Variants in PRDM11 observed in about 807,000 individuals in gnomAD.
The protein encoded by PRDM11 is PR/SET domain 11.
A neutral mutation model predicts 97.8 loss-of-function variants in PRDM11; 20 were observed. That is an observed-to-expected ratio of 0.20 (90% CI 0.14 to 0.30). The LOEUF (loss-of-function observed/expected upper bound fraction) is 0.30. Ranked by LOEUF, PRDM11 falls within the 10% of genes least tolerant of loss-of-function variation. The probability of loss-of-function intolerance (pLI) is 1.00; values close to 1 mark genes in which losing one functional copy is unlikely to be tolerated. For synonymous variants in PRDM11, 599 were observed against 637.7 expected, an observed-to-expected ratio of 0.94 and a Z score of 0.91; for missense variants, 1,139 against 1,555.2, an observed-to-expected ratio of 0.73 and a Z score of 4.50.
chr11:45,129,002 G>A (rs1477557119), intron 1 of PRDM11, among the ~76,000 whole-genome samples: 1 of 152,104 alleles, frequency 6.6e-6, no homozygotes, highest in Non-Finnish European at 1.5e-5. Context: ...TAAGAATGCA[G>A]TTACTTTAAC....
At chr11:45,178,225 C>T (rs1025885559) in intron 1 of PRDM11, among the ~76,000 whole-genome samples, 5 of 152,084 alleles carry the variant, frequency 3.3e-5, no homozygotes, top group Admixed American at 6.6e-5. Flanking sequence ...AAACCCCTTC[C>T]GCATCCCTCT....
In PRDM11 at chr11:45,231,515, G is replaced by A. The variant is rs1854398919; in HGVS notation, c.*3356G>A. ...TGACTACAGGCTTAGAATGAAGTGTGTCTCTGGGGCTGAGACTTGGCATAA... is the reference window on the plus strand; with the variant it reads ...TGACTACAGGCTTAGAATGAAGTGTATCTCTGGGGCTGAGACTTGGCATAA... On this transcript the variant is annotated 3_prime_UTR_variant, in exon 8 of 8. Transcript: ENST00000683152. The A allele has an allele frequency of 2.0e-5, 3 of 151,994 alleles. No individual in the cohort carries two copies. The highest frequency in any genetic ancestry group is 2.0e-4 in the Admixed American group (3 of 15,264). The allele number at this position is 151,994 out of a possible 1,614,324, so 9.4% of individuals were successfully genotyped here. A position where few individuals can be genotyped will look rare whatever the true frequency, so the allele number is the denominator to read the frequency against.
chr11:45,219,782 T>C lies in PRDM11; in HGVS notation c.742+25T>C. The stretch of plus-strand genomic sequence containing the variant: ...GGTGAGTGCCATGCTCCACATGAGC[T>C]GCGCCCACCTCTGAGCCCCAGGGGA... On this transcript the variant is annotated intron_variant, in intron 6 of 7. Transcript: ENST00000683152. This position sits in a 1 kb window ranked among gnomAD's most constrained non-coding sequence, Gnocchi z 4.2. The C allele has an allele frequency of 6.2e-7, 1 of 1,601,432 alleles. No individual in the cohort carries two copies. Among genetic ancestry groups the C allele is most frequent in the Non-Finnish European group, 8.5e-7 (1 of 1,172,498 alleles).
chr11:45,179,296 C>T (rs1852409051), intron 1 of PRDM11, among the ~76,000 whole-genome samples: 1 of 152,246 alleles, frequency 6.6e-6, no homozygotes, highest in South Asian at 2.1e-4. Flanking sequence ...TAGCACTCAT[C>T]TTCCTGATCA....
At chr11:45,110,618 G>A (rs1292810187) in intron 1 of PRDM11, among the ~76,000 whole-genome samples, 3 of 152,220 alleles carry the variant, frequency 2.0e-5, no homozygotes, top group Non-Finnish European at 4.4e-5. Context: ...CCTCCCCGGC[G>A]CAACGACCTC....
intron 4 of PRDM11, among the ~76,000 whole-genome samples, chr11:45,193,161 C>T (rs1852974678): frequency 6.6e-6 from 1 of 152,214 alleles, no homozygotes; most frequent in Admixed American, 6.5e-5. Context: ...ACTATAACCT[C>T]AAACTCCTGG....
At chr11:45,097,320 C>A (rs1283352468) in intron 1 of PRDM11, among the ~76,000 whole-genome samples, 1 of 152,204 alleles carries the variant, frequency 6.6e-6, no homozygotes, top group Non-Finnish European at 1.5e-5. Flanking sequence ...ACTAGGTTCC[C>A]TTCCAGTCTG....
At chr11:45,183,986 C>T (rs954243777) in intron 4 of PRDM11, among the ~76,000 whole-genome samples, 2 of 152,132 alleles carry the variant, frequency 1.3e-5, no homozygotes, top group Admixed American at 6.5e-5. Context: ...CAAATAATAA[C>T]TCTGAGGGTG....
chr11:45,192,601 C>G (rs1198636027), intron 4 of PRDM11, among the ~76,000 whole-genome samples: 2 of 152,158 alleles, frequency 1.3e-5, no homozygotes, highest in Non-Finnish European at 2.9e-5. Context: ...CCAGTACAGA[C>G]CAGCTCCTAA....
At chr11:45,112,003 A>G (rs1006516018) in intron 1 of PRDM11, among the ~76,000 whole-genome samples, 1 of 152,148 alleles carries the variant, frequency 6.6e-6, no homozygotes, top group Non-Finnish European at 1.5e-5. Flanking sequence ...GATTACATGA[A>G]TAACTTCTTT....
intron 1 of PRDM11, among the ~76,000 whole-genome samples, chr11:45,129,371 T>A (rs567583230): frequency 6.6e-6 from 1 of 152,302 alleles, no homozygotes; most frequent in Non-Finnish European, 1.5e-5. Flanking sequence ...TTTGCTCACA[T>A]ACATGGTGAT....
intron 1 of PRDM11, among the ~76,000 whole-genome samples, chr11:45,108,545 C>A (rs573136787): frequency 3.1e-4 from 47 of 152,326 alleles, no homozygotes; most frequent in Non-Finnish European, 5.3e-4. Flanking sequence ...CCCACGGATC[C>A]CTTGCTCAGC....
intron 5 of PRDM11, among the ~76,000 whole-genome samples, chr11:45,207,086 A>G (rs892972325): frequency 1.3e-5 from 2 of 152,100 alleles, no homozygotes; most frequent in African/African-American, 4.8e-5. Context: ...CTCTCATCTT[A>G]TGACCACTCA....
chr11:45,213,005 C>A (rs908905351), intron 5 of PRDM11: 2 of 403,888 alleles, frequency 5.0e-6, no homozygotes, highest in Non-Finnish European at 1.0e-5. Context: ...AGCCCCCACA[C>A]GGACTACCAG....
chr11:45,194,259 T>C (rs979479191), intron 4 of PRDM11, among the ~76,000 whole-genome samples: 1 of 152,190 alleles, frequency 6.6e-6, no homozygotes, highest in South Asian at 2.1e-4. Context: ...AAACATGGAA[T>C]TAAAAATTCT....
chr11:45,213,370 G>A lies in PRDM11; in HGVS notation c.555-6200G>A, dbSNP rs1339467105. On this transcript the variant is annotated intron_variant, in intron 5 of 7. Transcript: ENST00000683152. The stretch of plus-strand genomic sequence containing the variant: ...GGGGGCGCAACAGTGGGGAGCATCC[G>A]AATGGAGTCCCACTTTCCAACCTTG... The A allele has an allele frequency of 2.4e-5, 11 of 449,346 alleles. No individual in the cohort carries two copies. The East Asian group carries it at 5.6e-4, about 23-fold the overall frequency. 27.8% of individuals were successfully genotyped at this position (449,346 alleles called of 1,614,324 possible). A position where few individuals can be genotyped will look rare whatever the true frequency, so the allele number is the denominator to read the frequency against.
chr11:45,163,207 A>T (rs1433713460), intron 1 of PRDM11, among the ~76,000 whole-genome samples: 1 of 152,196 alleles, frequency 6.6e-6, no homozygotes, highest in East Asian at 1.9e-4. Flanking sequence ...AAACCAGGGG[A>T]GCCAGAGGGT....
At chr11:45,133,730 CG>C (rs1000739015) in intron 1 of PRDM11, among the ~76,000 whole-genome samples, 12 of 152,164 alleles carry the variant, frequency 7.9e-5, no homozygotes, top group African/African-American at 2.9e-4. Context: ...AGATCCCCAA[CG>C]GGCACATAGT....
chr11:45,132,043 G>A (rs908083946), intron 1 of PRDM11, among the ~76,000 whole-genome samples: 1 of 152,144 alleles, frequency 6.6e-6, no homozygotes, highest in Non-Finnish European at 1.5e-5. Flanking sequence ...ACCTCTAAGA[G>A]CAAGGAAAAC....
Sources: allele counts gnomAD v4.1 joint callset (sites outside exome capture counted in the v4.1 genomes callset), GRCh38; gene constraint gnomAD v4.1.1; non-coding constraint Gnocchi (gnomAD v3.1); transcripts MANE v1.5; gene names NCBI Gene and HGNC (gene_info 2026-07-23, HGNC 2026-07-21).